The following VARS2 variants were observed in gnomAD, a reference collection of about 807,000 sequenced individuals.
VARS2 encodes the protein valyl-tRNA synthetase 2, mitochondrial, also known as valine--tRNA ligase, mitochondrial.
In VARS2, 105 loss-of-function variants were observed where a neutral mutation model predicts 154.1. The ratio of observed to expected loss-of-function variants is 0.68; its 90% CI spans 0.58 to 0.80. The LOEUF (loss-of-function observed/expected upper bound fraction) is 0.80. Among genes scored for constraint, VARS2 ranks in the 30% least tolerant of loss-of-function variants. The pLI is 0.00. For missense variants in VARS2, 1,157 were observed against 1,361.4 expected (o/e 0.85, Z 2.36); for synonymous variants, 483 against 539.5 (o/e 0.90, Z 1.45).
Position 30,915,415 on chromosome 6 carries a change from C to T in VARS2, c.344C>T (p.Pro115Leu), listed in dbSNP as rs1794092364. 1.9e-6 allele frequency: 3 copies of T among 1,614,134 alleles called. No individual in the cohort carries two copies. Among genetic ancestry groups the T allele is most frequent in the Non-Finnish European group, 2.5e-6 (3 of 1,180,034 alleles). ...SPRYVEAAWYPWWVREGFFKP... is the reference protein window; with the variant it reads ...SPRYVEAAWYLWWVREGFFKP... ...CGATATGTTGAGGCTGCCTGGTACC[C>T]GTGGTGGGTACGAGAGGGCTTCTTC... The change falls in exon 4 of 30, where the codon CCG (proline) becomes CTG (leucine). Residue 115 changes from proline to leucine, a missense_variant. Transcript: ENST00000676266.
At position 30,925,894 on chromosome 6, in the gene VARS2, G is replaced by A. The variant is rs1202067119; in HGVS notation, c.2976G>A (p.Pro992=). The A allele has an allele frequency of 5.6e-6, 9 of 1,612,736 alleles. No individual in the cohort carries two copies. The highest frequency in any genetic ancestry group is 2.7e-5 in the African/African-American group (2 of 74,904). ...VYMELQGLVD[P]QIQLPLLAAR... ...TTCTTCCCCAGGGCCTGGTGGACCC[G>A]CAGATCCAGCTACCTCTGTTAGCCG... Residue 992 remains proline, a synonymous_variant, in exon 29 of 30, where the codon CCG becomes CCA. Coordinates refer to ENST00000676266, the MANE Select transcript of VARS2 (RefSeq NM_020442.6).
chr6:30,915,945 A>G, intron 5 of VARS2, 36 bp from the exon 6 acceptor site: 1 of 1,614,100 alleles, frequency 6.2e-7, no homozygotes, highest in Non-Finnish European at 8.5e-7. Context: ...TAAACATTTA[A>G]GCTCAGGGGC....
Position 30,921,108 on chromosome 6 carries a change from A to G in VARS2, c.1523A>G (p.Gln508Arg). 6.2e-7 allele frequency: 1 copy of G among 1,613,958 alleles called. No individual in the cohort carries two copies. The highest frequency in any genetic ancestry group is 8.5e-7 in the Non-Finnish European group (1 of 1,179,926). ...GALELSPSFHQKNWQHWFSHI... is the reference protein window; with the variant it reads ...GALELSPSFHRKNWQHWFSHI... ...CTGGAGCTCAGTCCCTCCTTCCACC[A>G]GAAGAACTGGCAGCACTGGTTTTCC... Residue 508 changes from glutamine to arginine, a missense_variant, in exon 16 of 30, where the codon CAG (glutamine) becomes CGG (arginine). Gln to Arg is a conservative substitution (Grantham distance 43, BLOSUM62 1). Coordinates refer to ENST00000676266, the MANE Select transcript of VARS2 (RefSeq NM_020442.6). The surrounding 1 kb of genome is among the most constrained non-coding windows in gnomAD (Gnocchi z 4.6).
chr6:30,919,857 A>G lies in VARS2; in HGVS notation c.1165+9A>G, dbSNP rs762684441. 1 of 1,553,198 alleles carries G rather than the reference A, an allele frequency of 6.4e-7. No individual in the cohort carries two copies. Among genetic ancestry groups the G allele is most frequent in the South Asian group, 1.2e-5 (1 of 83,524 alleles). ...GCCACATGTGGGCACGGGTGAGTGGAAGTCAGGGGAGGGAGAGAAAGTTGG... is the reference window on the plus strand; with the variant it reads ...GCCACATGTGGGCACGGGTGAGTGGGAGTCAGGGGAGGGAGAGAAAGTTGG... On this transcript the variant is annotated intron_variant, in intron 12 of 29. Transcript: ENST00000676266. The surrounding 1 kb of genome is among the most constrained non-coding windows in gnomAD (Gnocchi z 4.5).
intron 25 of VARS2, 149 bp downstream of exon 25, chr6:30,923,654 C>A (rs1794674579): frequency 2.5e-6 from 3 of 1,213,648 alleles, no homozygotes; most frequent in Admixed American, 2.7e-5. Context: ...CAGTTCCCCT[C>A]TTCCTGGGAC....
intron 26 of VARS2, among the ~76,000 whole-genome samples, chr6:30,924,919 T>C (rs185040386): frequency 1.7e-4 from 26 of 152,366 alleles, no homozygotes; most frequent in Admixed American, 9.1e-4. Flanking sequence ...CTTTAATAAC[T>C]TCAGAAGGAT....
chr6:30,920,858 G>T lies in VARS2; in HGVS notation c.1479+109G>T. On this transcript the variant is annotated intron_variant, in intron 15 of 29. Transcript: ENST00000676266. The surrounding 1 kb of genome is among the most constrained non-coding windows in gnomAD (Gnocchi z 4.6). ...ACCTCCTGCCCTGAAGACCTCTCCA[G>T]CTGTGGTAACTGAGAGGATGTGTGG... is the stretch of plus-strand genomic sequence containing the variant. 8.8e-7 allele frequency: 1 copy of T among 1,140,868 alleles called. No homozygotes were observed. 70.7% of individuals were successfully genotyped at this position (1,140,868 alleles called of 1,614,324 possible).
rs779132614 is a variant in VARS2, at chr6:30,915,369, C to T, written c.298C>T (p.Leu100=). The part of the protein sequence containing the change: ...PGEKKDVSGP[L]PPAYSPRYVE... ...TGCCTTCACAGATGTCTCTGGGCCCCTGCCTCCTGCATACAGCCCCCGATA... is the reference window on the plus strand; with the variant it reads ...TGCCTTCACAGATGTCTCTGGGCCCTTGCCTCCTGCATACAGCCCCCGATA... Residue 100 remains leucine (L), a synonymous_variant, in exon 4 of 30, where the codon CTG becomes TTG. Coordinates refer to ENST00000676266, the MANE Select transcript of VARS2 (RefSeq NM_020442.6). 2 of 1,614,218 alleles carry T rather than the reference C, an allele frequency of 1.2e-6. No homozygotes were observed. The highest frequency in any genetic ancestry group is 1.1e-5 in the South Asian group (1 of 91,090).
At position 30,920,937 on chromosome 6, in the gene VARS2, G is replaced by A; in HGVS notation, c.1480-128G>A. On this transcript the variant is annotated intron_variant, in intron 15 of 29. Transcript: ENST00000676266. This position sits in a 1 kb window ranked among gnomAD's most constrained non-coding sequence, Gnocchi z 4.6. Reference sequence around the variant, plus strand: ...TGGCTCATATCCTTACTCAAGCCCAGAATCTTGGCAAGAGGCTTGGGAGGT... The same window carrying A: ...TGGCTCATATCCTTACTCAAGCCCAAAATCTTGGCAAGAGGCTTGGGAGGT... The A allele has an allele frequency of 8.2e-7, 1 of 1,218,906 alleles. No homozygotes were observed. Among genetic ancestry groups the A allele is most frequent in the Non-Finnish European group, 1.1e-6 (1 of 886,440 alleles). 75.5% of individuals were successfully genotyped at this position (1,218,906 alleles called of 1,614,324 possible). A position where few individuals can be genotyped will look rare whatever the true frequency, so the allele number is the denominator to read the frequency against.
chr6:30,915,463 T>C lies in VARS2; in HGVS notation c.384+8T>C, dbSNP rs779537537. ...TTCAAACCAGAATATCAGGTTAGTATCTGGCAGGGAGGGGTCCTAAATTGT... is the reference window on the plus strand; with the variant it reads ...TTCAAACCAGAATATCAGGTTAGTACCTGGCAGGGAGGGGTCCTAAATTGT... On this transcript the variant is annotated splice_region_variant and intron_variant, in intron 4 of 29. Coordinates refer to ENST00000676266, the MANE Select transcript of VARS2 (RefSeq NM_020442.6). 4.3e-6 allele frequency: 7 copies of C among 1,613,112 alleles called. No individual in the cohort carries two copies. The highest frequency in any genetic ancestry group is 5.9e-6 in the Non-Finnish European group (7 of 1,179,636).
chr6:30,922,004 G>A lies in VARS2; in HGVS notation c.1806+9G>A. 2.5e-6 allele frequency: 4 copies of A among 1,612,962 alleles called. No individual in the cohort carries two copies. In the African/African-American group the frequency reaches 5.3e-5, roughly 22 times the overall value. On this transcript the variant is annotated intron_variant, in intron 19 of 29. Transcript: ENST00000676266. ...TGGGCTGGCCCCAAGAGGTGAGGTG[G>A]GTTGAGAGGGCGAAAGTGAAGGGGA...
At chr6:30,918,729 C>T (rs1794325077) in intron 10 of VARS2, 98 bp from the exon 11 acceptor site, 1 of 1,023,684 alleles carries the variant, frequency 9.8e-7, no homozygotes, top group African/African-American at 1.6e-5. Context: ...TGACTACTCC[C>T]TGCCCCTTCC....
intron 11 of VARS2, 53 bp downstream of exon 11, chr6:30,918,968 T>G: frequency 3.7e-5 from 56 of 1,520,746 alleles, no homozygotes; most frequent in Non-Finnish European, 4.6e-5. Context: ...TGGCCTTCTC[T>G]TCTCTTGGGT....
chr6:30,924,491 G>A lies in VARS2; in HGVS notation c.2604G>A (p.Leu868=), dbSNP rs757804149. The A allele has an allele frequency of 4.7e-5, 75 of 1,605,444 alleles. No individual in the cohort carries two copies. Among genetic ancestry groups the A allele is most frequent in the Non-Finnish European group, 6.1e-5 (72 of 1,174,646 alleles). ...PFLAEELWQR[L]PPRPGCPPAP... Reference sequence around the variant, plus strand: ...TGGCTGAAGAGCTCTGGCAGAGGCTGCCCCCCAGGCCTGGTTGCCCCCCTG... The same window carrying A: ...TGGCTGAAGAGCTCTGGCAGAGGCTACCCCCCAGGCCTGGTTGCCCCCCTG... The change falls in exon 26 of 30, where the codon CTG becomes CTA. Residue 868 remains leucine, a synonymous_variant. Transcript: ENST00000676266.
chr6:30,916,354 G>T lies in VARS2; in HGVS notation c.671+105G>T. On this transcript the variant is annotated intron_variant, in intron 7 of 29. Coordinates refer to ENST00000676266, the MANE Select transcript of VARS2 (RefSeq NM_020442.6). The surrounding 1 kb of genome is among the most constrained non-coding windows in gnomAD (Gnocchi z 4.0). Reference sequence around the variant, plus strand: ...GTAATCCTTGGCTCTTCCCGACACAGCTCTGACTTCCTCAGAGATGGAAGC... The same window carrying T: ...GTAATCCTTGGCTCTTCCCGACACATCTCTGACTTCCTCAGAGATGGAAGC... 1 of 975,118 alleles carries T rather than the reference G, an allele frequency of 1.0e-6. No homozygotes were observed. The allele number at this position is 975,118 out of a possible 1,614,324, so 60.4% of individuals were successfully genotyped here.
intron 20 of VARS2, 81 bp from the exon 21 acceptor site, chr6:30,922,369 C>A: frequency 6.2e-7 from 1 of 1,604,562 alleles, no homozygotes; most frequent in South Asian, 1.1e-5. Flanking sequence ...ACTTCCTACC[C>A]TACCCCCAAA....
Position 30,916,480 on chromosome 6 carries a change from T to TTATATA in VARS2, c.671+243_671+248dup, listed in dbSNP as rs145049694. 0.011 allele frequency: 3,248 copies of TTATATA among 286,614 alleles called. 131 individuals carry two copies. Among genetic ancestry groups the TTATATA allele is most frequent in the East Asian group, 0.11 (1,363 of 12,656 alleles). The allele number at this position is 286,614 out of a possible 1,614,324, so 17.8% of individuals were successfully genotyped here. A position where few individuals can be genotyped will look rare whatever the true frequency, so the allele number is the denominator to read the frequency against. On this transcript the variant is annotated intron_variant, in intron 7 of 29. Transcript: ENST00000676266. The surrounding 1 kb of genome is among the most constrained non-coding windows in gnomAD (Gnocchi z 4.0). ...TGTGTGTGTGTGTGTGTGTGTGTATTTATATATATATATATATTTTCTTTC... is the reference window on the plus strand; with the variant it reads ...TGTGTGTGTGTGTGTGTGTGTGTATTTATATATATATATATATATATATTTTCTTTC...
In VARS2 at chr6:30,921,682, C is replaced by G. The variant is rs1017596414; in HGVS notation, c.1726C>G (p.Leu576Val). ...AGGGAGGCCAGGGGCAGAGCTGACC[C>G]TGGAGAGGGGTGAGTGCCTGAGCTG... is the stretch of plus-strand genomic sequence containing the variant. ...LTGRPGAELT[L>V]ERDPDVLDTW... is the part of the protein sequence containing the mutation. Residue 576 changes from leucine to valine, a missense_variant, in exon 18 of 30, where the codon CTG (leucine) becomes GTG (valine). Physicochemically the swap from Leu to Val is conservative, Grantham distance 32 (BLOSUM62 1). Coordinates refer to ENST00000676266, the MANE Select transcript of VARS2 (RefSeq NM_020442.6). This position sits in a 1 kb window ranked among gnomAD's most constrained non-coding sequence, Gnocchi z 4.6. 2 of 1,604,250 alleles carry G rather than the reference C, an allele frequency of 1.2e-6. No individual in the cohort carries two copies. The highest frequency in any genetic ancestry group is 2.7e-5 in the African/African-American group (2 of 74,840).
In VARS2 at chr6:30,922,215, C is replaced by A; in HGVS notation, c.1906C>A (p.Leu636Ile). The change falls in exon 20 of 30, where the codon CTC becomes ATC. Residue 636 changes from leucine (L) to isoleucine (I), a missense_variant. Transcript: ENST00000676266. ...CCGCATGGTCATGTTGGGGACCCAG[C>A]TCACAGGGCAGCTGCCCTTCAGCAA... ...VGRMVMLGTQ[L>I]TGQLPFSKVL... 1 of 1,612,428 alleles carries A rather than the reference C, an allele frequency of 6.2e-7. No homozygotes were observed. The highest frequency in any genetic ancestry group is 8.5e-7 in the Non-Finnish European group (1 of 1,179,770).
Sources: gnomAD v4.1 joint callset for allele counts (sites outside exome capture counted in the v4.1 genomes callset) on GRCh38, gnomAD v4.1.1 for gene constraint, Gnocchi (gnomAD v3.1) non-coding constraint, MANE v1.5 for transcripts, NCBI Gene and HGNC (gene_info 2026-07-23, HGNC 2026-07-21) for gene names.